The following TMTC1 variants were observed in gnomAD, a reference collection of about 807,000 sequenced individuals.
The protein encoded by TMTC1 is transmembrane O-mannosyltransferase targeting cadherins 1.
In TMTC1, 73 loss-of-function variants were observed where a neutral mutation model predicts 104.8. The observed-to-expected ratio is 0.70, with a 90% CI of 0.58 to 0.85. The LOEUF (loss-of-function observed/expected upper bound fraction) is 0.85, where lower values mean the gene tolerates loss of function less well. TMTC1 is among the 40% of genes least tolerant of loss of function. The pLI, the probability that TMTC1 is intolerant of heterozygous loss-of-function variation, is 0.00. For synonymous variants in TMTC1, 434 were observed against 428.7 expected, an observed-to-expected ratio of 1.01 and a Z score of -0.15; for missense variants, 1,035 against 1,096.1, an observed-to-expected ratio of 0.94 and a Z score of 0.79.
At chr12:29,721,647 C>T (rs1425981571) in intron 5 of TMTC1, among the ~76,000 whole-genome samples, 2 of 151,894 alleles carry the variant, frequency 1.3e-5, no homozygotes, top group African/African-American at 4.8e-5. Context: ...TCAAAAAGAT[C>T]AATAACAACA....
intron 5 of TMTC1, among the ~76,000 whole-genome samples, chr12:29,733,414 T>C (rs374186377): frequency 2.7e-4 from 41 of 152,298 alleles, no homozygotes; most frequent in African/African-American, 8.7e-4. Context: ...CCTATGAGAA[T>C]GCCCTTGGTT....
chr12:29,525,534 T>A (rs1944317638), intron 11 of TMTC1, among the ~76,000 whole-genome samples: 1 of 152,114 alleles, frequency 6.6e-6, no homozygotes, highest in South Asian at 2.1e-4. Flanking sequence ...AGTCTCTGGG[T>A]TTTAGACCAT....
intron 5 of TMTC1, among the ~76,000 whole-genome samples, chr12:29,703,403 CA>C (rs1384791573): frequency 1.3e-5 from 2 of 152,116 alleles, no homozygotes; most frequent in African/African-American, 4.8e-5. Flanking sequence ...AGAGTTTAAA[CA>C]ACAACTTATT....
chr12:29,607,052 G>A (rs1295467737), intron 6 of TMTC1, among the ~76,000 whole-genome samples: 1 of 152,128 alleles, frequency 6.6e-6, no homozygotes, highest in Non-Finnish European at 1.5e-5. Flanking sequence ...GCGGAGATGG[G>A]GGGAGAGTCA....
chr12:29,513,623 T>C (rs1565635492), intron 16 of TMTC1, among the ~76,000 whole-genome samples: 2 of 152,222 alleles, frequency 1.3e-5, no homozygotes, highest in Non-Finnish European at 2.9e-5. Context: ...ATATTTAGTA[T>C]AATTTTATGA....
intron 5 of TMTC1, among the ~76,000 whole-genome samples, chr12:29,723,415 CAG>C (rs1942293652): frequency 6.6e-6 from 1 of 152,026 alleles, no homozygotes; most frequent in East Asian, 1.9e-4. Flanking sequence ...GCATGGAAGA[CAG>C]AGGAACACAA....
At chr12:29,513,355 T>C (rs929222658) in intron 16 of TMTC1, among the ~76,000 whole-genome samples, 3 of 152,032 alleles carry the variant, frequency 2.0e-5, no homozygotes, top group African/African-American at 7.2e-5. Flanking sequence ...CACACATACA[T>C]ATTCACAATT....
At chr12:29,633,011 A>T in intron 6 of TMTC1, 136 bp downstream of exon 6, 2 of 694,096 alleles carry the variant, frequency 2.9e-6, no homozygotes, top group Non-Finnish European at 4.6e-6. Flanking sequence ...GTATGTTATT[A>T]CCCGCTACAA....
intron 5 of TMTC1, among the ~76,000 whole-genome samples, chr12:29,743,888 G>A (rs1227059006): frequency 6.6e-6 from 1 of 152,190 alleles, no homozygotes; most frequent in Non-Finnish European, 1.5e-5. Context: ...AGCACGGTAA[G>A]AGCACTAGCT....
intron 7 of TMTC1, among the ~76,000 whole-genome samples, chr12:29,594,371 T>C (rs1946355694): frequency 6.6e-6 from 1 of 152,242 alleles, no homozygotes; most frequent in Non-Finnish European, 1.5e-5. Context: ...GTCCCATGAA[T>C]TAATACAGAC....
At chr12:29,527,356 G>A (rs1012389549) in intron 11 of TMTC1, among the ~76,000 whole-genome samples, 2 of 152,316 alleles carry the variant, frequency 1.3e-5, no homozygotes, top group African/African-American at 4.8e-5. Flanking sequence ...GTGAGTGAGA[G>A]ACACAATCCC....
At chr12:29,550,789 C>T (rs1945075408) in intron 10 of TMTC1, among the ~76,000 whole-genome samples, 1 of 151,778 alleles carries the variant, frequency 6.6e-6, no homozygotes, top group Non-Finnish European at 1.5e-5. Context: ...GTGCTCAAGT[C>T]CCTGAGGATG....
chr12:29,544,591 C>A (rs1390574457), intron 10 of TMTC1, among the ~76,000 whole-genome samples: 1 of 152,192 alleles, frequency 6.6e-6, no homozygotes, highest in Non-Finnish European at 1.5e-5. Flanking sequence ...AACACCTGCC[C>A]CACTGTGCCT....
chr12:29,558,399 A>G (rs1176277472), intron 9 of TMTC1, among the ~76,000 whole-genome samples: 1 of 152,178 alleles, frequency 6.6e-6, no homozygotes, highest in African/African-American at 2.4e-5. Context: ...GTTCCTATTA[A>G]AAGGACAGGG....
At chr12:29,711,261 G>T (rs1441403332) in intron 5 of TMTC1, among the ~76,000 whole-genome samples, 1 of 151,974 alleles carries the variant, frequency 6.6e-6, no homozygotes, top group Admixed American at 6.6e-5. Flanking sequence ...TTATCCACTT[G>T]AGCCACTGCA....
At chr12:29,728,830 C>T (rs1942471644) in intron 5 of TMTC1, among the ~76,000 whole-genome samples, 1 of 147,136 alleles carries the variant, frequency 6.8e-6, no homozygotes, top group Non-Finnish European at 1.5e-5. Flanking sequence ...AACCGCCGTC[C>T]TACAAAAAAA....
chr12:29,718,987 C>T (rs1469831308), intron 5 of TMTC1, among the ~76,000 whole-genome samples: 1 of 147,242 alleles, frequency 6.8e-6, no homozygotes, highest in East Asian at 2.0e-4. Context: ...AGTCAGTAAA[C>T]CTGTAGATAA....
rs1332959011 is a variant in TMTC1, at chr12:29,500,900, T to C, written c.*5946A>G. 2 of 152,744 alleles carry C rather than the reference T, an allele frequency of 1.3e-5. No homozygotes were observed. Among genetic ancestry groups the C allele is most frequent in the Non-Finnish European group, 2.9e-5 (2 of 68,046 alleles). 9.5% of individuals were successfully genotyped at this position (152,744 alleles called of 1,614,324 possible). A position where few individuals can be genotyped will look rare whatever the true frequency, so the allele number is the denominator to read the frequency against. On this transcript the variant is annotated 3_prime_UTR_variant, in exon 18 of 18. Transcript: ENST00000539277. ...ACATAAATTTAATTTTGGAAAGACC[T>C]AGGCAAAGTATACATCATTAGACTC...
intron 5 of TMTC1, among the ~76,000 whole-genome samples, chr12:29,723,555 T>A (rs1354203949): frequency 6.6e-6 from 1 of 151,868 alleles, no homozygotes; most frequent in African/African-American, 2.4e-5. Flanking sequence ...ACCCCATCTG[T>A]ACTTTTCTTT....
Sources: allele counts gnomAD v4.1 joint callset (sites outside exome capture counted in the v4.1 genomes callset), GRCh38; gene constraint gnomAD v4.1.1; transcripts MANE v1.5; gene names NCBI Gene and HGNC (gene_info 2026-07-23, HGNC 2026-07-21).